Variants in GALNT17 observed in about 807,000 individuals in gnomAD.
The protein encoded by GALNT17 is polypeptide N-acetylgalactosaminyltransferase 17.
GALNT17 carries 29 observed loss-of-function variants against 63.7 expected under a neutral mutation model. The observed-to-expected ratio is 0.46, with a 90% confidence interval of 0.34 to 0.62. The LOEUF (loss-of-function observed/expected upper bound fraction) is 0.62, where lower values mean the gene tolerates loss of function less well. GALNT17 is among the 20% of genes least tolerant of loss of function. GALNT17 has a pLI of 0.01. For missense variants in GALNT17, 603 were observed against 799.6 expected (o/e 0.75, Z 2.97); for synonymous variants, 305 against 318.3 (o/e 0.96, Z 0.45).
chr7:71,192,013 T>C (rs1359201241), intron 1 of GALNT17, among the ~76,000 whole-genome samples: 1 of 152,116 alleles, frequency 6.6e-6, no homozygotes, highest in Non-Finnish European at 1.5e-5. Flanking sequence ...CAGCTGACAG[T>C]GTATCCTTCA....
chr7:71,560,119 G>T (rs929399640), intron 5 of GALNT17, among the ~76,000 whole-genome samples: 5 of 148,922 alleles, frequency 3.4e-5, no homozygotes, highest in Admixed American at 6.8e-5. Flanking sequence ...GCTTGAATCC[G>T]GGAGGCGGAG....
chr7:71,464,311 A>T (rs1787500629), intron 5 of GALNT17, among the ~76,000 whole-genome samples: 2 of 152,148 alleles, frequency 1.3e-5, no homozygotes, highest in African/African-American at 4.8e-5. Context: ...CAGGATTCTT[A>T]CTAAAACTGG....
At chr7:71,652,258 C>T (rs11983226) in intron 6 of GALNT17, among the ~76,000 whole-genome samples, 10,282 of 151,880 alleles carry the variant, frequency 0.068, 1,143 homozygotes, top group African/African-American at 0.23. Context: ...TTCTTACCAC[C>T]GCGGTACTTA....
intron 1 of GALNT17, among the ~76,000 whole-genome samples, chr7:71,258,297 G>A (rs565798180): frequency 9.2e-5 from 14 of 152,364 alleles, no homozygotes; most frequent in Admixed American, 2.6e-4. Flanking sequence ...ACTGCACTCA[G>A]TATTCCCTAA....
chr7:71,336,386 T>A (rs1339035524), intron 2 of GALNT17, among the ~76,000 whole-genome samples: 6 of 152,154 alleles, frequency 3.9e-5, no homozygotes, highest in Non-Finnish European at 8.8e-5. Context: ...CAGGGGAACA[T>A]GTGTAGGTTT....
At chr7:71,157,248 T>G (rs1253885629) in intron 1 of GALNT17, among the ~76,000 whole-genome samples, 1 of 151,992 alleles carries the variant, frequency 6.6e-6, no homozygotes, top group Admixed American at 6.6e-5. Flanking sequence ...TATCTGCATC[T>G]GTAAAAATGT....
intron 6 of GALNT17, among the ~76,000 whole-genome samples, chr7:71,658,406 C>T (rs1005150933): frequency 8.5e-5 from 13 of 152,176 alleles, no homozygotes; most frequent in African/African-American, 3.1e-4. Context: ...CTAAGACTTC[C>T]CAGACCCCAG....
intron 2 of GALNT17, among the ~76,000 whole-genome samples, chr7:71,387,956 A>G (rs546955411): frequency 2.0e-5 from 3 of 152,168 alleles, no homozygotes; most frequent in Admixed American, 1.3e-4. Context: ...AGTGCTCCAT[A>G]TTATATTATA....
At chr7:71,147,614 C>T (rs956745537) in intron 1 of GALNT17, among the ~76,000 whole-genome samples, 16 of 152,200 alleles carry the variant, frequency 1.1e-4, no homozygotes, top group African/African-American at 3.9e-4. Flanking sequence ...AAATCTCATG[C>T]ATTCTCCAAG....
At chr7:71,274,586 C>T (rs1280681678) in intron 1 of GALNT17, among the ~76,000 whole-genome samples, 1 of 152,224 alleles carries the variant, frequency 6.6e-6, no homozygotes, top group African/African-American at 2.4e-5. Context: ...AATGCTCATT[C>T]TGCTTTTTAT....
chr7:71,281,567 A>G (rs1018927520), intron 1 of GALNT17, among the ~76,000 whole-genome samples: 1 of 152,132 alleles, frequency 6.6e-6, no homozygotes, highest in Non-Finnish European at 1.5e-5. Flanking sequence ...TTCTCCATCC[A>G]GCTCTAATGA....
intron 1 of GALNT17, among the ~76,000 whole-genome samples, chr7:71,319,706 T>C (rs1448130170): frequency 6.6e-6 from 1 of 152,152 alleles, no homozygotes; most frequent in Non-Finnish European, 1.5e-5. Context: ...CTCCCCCTTC[T>C]CCATCTCAAT....
At chr7:71,526,415 C>T (rs985231908) in intron 5 of GALNT17, among the ~76,000 whole-genome samples, 1 of 152,220 alleles carries the variant, frequency 6.6e-6, no homozygotes, top group Non-Finnish European at 1.5e-5. Context: ...TTTTGCAAAA[C>T]GGCACCGTCC....
chr7:71,153,053 G>A (rs1430059538), intron 1 of GALNT17, among the ~76,000 whole-genome samples: 1 of 152,140 alleles, frequency 6.6e-6, no homozygotes, highest in African/African-American at 2.4e-5. Flanking sequence ...TACAGCCCTG[G>A]CCCTGCCAGC....
At chr7:71,461,339 A>G (rs1583974898) in intron 5 of GALNT17, among the ~76,000 whole-genome samples, 1 of 152,234 alleles carries the variant, frequency 6.6e-6, no homozygotes, top group African/African-American at 2.4e-5. Flanking sequence ...GAAGGAGAAC[A>G]TAGGAAAGGG....
chr7:71,710,110 T>A (rs1791771242), intron 9 of GALNT17, among the ~76,000 whole-genome samples: 1 of 152,128 alleles, frequency 6.6e-6, no homozygotes, highest in Non-Finnish European at 1.5e-5. Flanking sequence ...CAGCTGAAAG[T>A]AGAGCCATTT....
chr7:71,459,748 T>C (rs767347025), intron 5 of GALNT17, among the ~76,000 whole-genome samples: 255 of 152,202 alleles, frequency 1.7e-3, no homozygotes, highest in Non-Finnish European at 2.7e-3. Context: ...GATCTTTTTC[T>C]CTAGGCCCTC....
chr7:71,403,710 G>A lies in GALNT17; in HGVS notation c.590-12179G>A, dbSNP rs556304810. On this transcript the variant is annotated intron_variant, in intron 3 of 10. Coordinates refer to ENST00000333538, the MANE Select transcript of GALNT17 (RefSeq NM_022479.3). ...AATGCTAGAGAAGGATGAACTGGCC[G>A]GATGCCTCACCTCAGTTATTCCACT... Among the ~76,000 whole-genome samples the A allele has an allele frequency of 9.2e-5, 14 of 152,258 alleles. No homozygotes were observed. In the South Asian group the frequency reaches 2.1e-3, roughly 23 times the overall value.
intron 5 of GALNT17, among the ~76,000 whole-genome samples, chr7:71,505,864 C>G (rs764720898): frequency 2.0e-5 from 3 of 152,124 alleles, no homozygotes; most frequent in South Asian, 2.1e-4. Context: ...TTTGGGGCAC[C>G]AAGCATTTAG....
Sources: allele counts gnomAD v4.1 joint callset (sites outside exome capture counted in the v4.1 genomes callset), GRCh38; gene constraint gnomAD v4.1.1; transcripts MANE v1.5; gene names NCBI Gene and HGNC (gene_info 2026-07-23, HGNC 2026-07-21).